The following KCNH1 variants were observed in gnomAD, a reference collection of about 807,000 sequenced individuals.
The protein encoded by KCNH1 is voltage-gated delayed rectifier potassium channel KCNH1.
In KCNH1, 27 loss-of-function variants were observed where a neutral mutation model predicts 69.2. That is an observed-to-expected ratio of 0.39 (90% CI 0.29 to 0.54). KCNH1 has a LOEUF of 0.54. Ranked by LOEUF, KCNH1 falls within the 20% of genes least tolerant of loss-of-function variation. The pLI is 0.68. For synonymous variants in KCNH1, 456 were observed against 487.7 expected (o/e 0.93, Z 0.86); for missense variants, 798 against 1,261.6 (o/e 0.63, Z 5.57).
intron 7 of KCNH1, among the ~76,000 whole-genome samples, chr1:210,820,319 G>T (rs1260656091): frequency 6.6e-6 from 1 of 152,102 alleles, no homozygotes; most frequent in Non-Finnish European, 1.5e-5. Flanking sequence ...TAGAACCTAT[G>T]ACTATGTTAC....
At chr1:210,906,043 G>A (rs182466895) in intron 7 of KCNH1, among the ~76,000 whole-genome samples, 4 of 152,242 alleles carry the variant, frequency 2.6e-5, no homozygotes, top group Non-Finnish European at 5.9e-5. Flanking sequence ...GATCTCAAGG[G>A]AGCAGCTGAT....
At chr1:210,797,456 A>G in intron 9 of KCNH1, 52 bp downstream of exon 9, 1 of 1,595,084 alleles carries the variant, frequency 6.3e-7, no homozygotes, top group Middle Eastern at 1.7e-4. Context: ...AGCTGCCCAG[A>G]AGCTAAGCCA....
chr1:211,121,322 C>A (rs1440129627), intron 1 of KCNH1, among the ~76,000 whole-genome samples: 3 of 152,044 alleles, frequency 2.0e-5, no homozygotes, highest in African/African-American at 7.2e-5. Flanking sequence ...GTACTGGTAC[C>A]AAAACAGACA....
intron 6 of KCNH1, among the ~76,000 whole-genome samples, chr1:210,944,514 G>C (rs1366654400): frequency 6.6e-6 from 1 of 152,146 alleles, no homozygotes; most frequent in Non-Finnish European, 1.5e-5. Flanking sequence ...TCGCCTCAGG[G>C]GTTCTGGGAC....
rs552551710 is a variant in KCNH1 at position 211,116,615 on chromosome 1, C to T, written c.80-9238G>A. ...CTTTTACCTTCATAATCAGACGGAC[C>T]AAACTGTTGGTAGCTACATCAAGAG... On this transcript the variant is annotated intron_variant, in intron 1 of 10. Coordinates refer to ENST00000271751, the MANE Select transcript of KCNH1 (RefSeq NM_172362.3). Among the ~76,000 whole-genome samples the T allele has an allele frequency of 8.5e-5, 13 of 152,202 alleles. No homozygotes were observed. The South Asian group carries it at 2.7e-3, about 32-fold the overall frequency.
chr1:211,015,329 G>C (rs1236567304), intron 6 of KCNH1, among the ~76,000 whole-genome samples: 1 of 152,192 alleles, frequency 6.6e-6, no homozygotes, highest in Non-Finnish European at 1.5e-5. Context: ...TAGGAATAGA[G>C]AAGAGTCAGA....
At chr1:210,707,885 C>T (rs1316982856) in intron 10 of KCNH1, among the ~76,000 whole-genome samples, 1 of 152,158 alleles carries the variant, frequency 6.6e-6, no homozygotes, top group African/African-American at 2.4e-5. Flanking sequence ...TCTATTCAGG[C>T]AGACATAATT....
chr1:210,919,757 C>G lies in KCNH1; in HGVS notation c.1345G>C (p.Val449Leu). The stretch of plus-strand genomic sequence containing the variant: ...GTGAAATACAACGAGGAGATGTAGA[C>G]AGAATTCTTGCTGGGACCACCTTCC... ...KWEGGPSKNS[V>L]YISSLYFTMT... The change falls in exon 7 of 11, where the codon GTC (valine) becomes CTC (leucine). Residue 449 changes from valine (V) to leucine (L), a missense_variant. Around this residue, in one of 4 missense-constraint regions of KCNH1, gnomAD observed 197 missense variants for 407.7 expected, o/e 0.48. Transcript: ENST00000271751. The surrounding 1 kb of genome is among the most constrained non-coding windows in gnomAD (Gnocchi z 4.2). 1 of 1,614,184 alleles carries G rather than the reference C, an allele frequency of 6.2e-7. No individual in the cohort carries two copies. Among genetic ancestry groups the G allele is most frequent in the Non-Finnish European group, 8.5e-7 (1 of 1,180,020 alleles).
At position 210,950,574 on chromosome 1, in the gene KCNH1, T is replaced by C. The variant is rs1201300495; in HGVS notation, c.1033-30505A>G. ...CATCATTTTTTATGGCTGCATAGTATTCCATGGTGTATATGTGCCACATTT... is the reference window on the plus strand; with the variant it reads ...CATCATTTTTTATGGCTGCATAGTACTCCATGGTGTATATGTGCCACATTT... On this transcript the variant is annotated intron_variant, in intron 6 of 10. Transcript: ENST00000271751. Among the ~76,000 whole-genome samples, 3 of 151,752 alleles carry C rather than the reference T, an allele frequency of 2.0e-5. No homozygotes were observed. In the East Asian group the frequency reaches 5.8e-4, roughly 29 times the overall value.
Position 210,880,866 on chromosome 1 carries a change from C to G in KCNH1, c.1462+38774G>C, listed in dbSNP as rs187750990. Among the ~76,000 whole-genome samples the G allele has an allele frequency of 1.3e-3, 200 of 152,102 alleles. 1 individual carries two copies. Among genetic ancestry groups the G allele is most frequent in the Admixed American group, 0.011 (167 of 15,246 alleles). On this transcript the variant is annotated intron_variant, in intron 7 of 10. Coordinates refer to ENST00000271751, the MANE Select transcript of KCNH1 (RefSeq NM_172362.3). The stretch of plus-strand genomic sequence containing the variant: ...TGTTTCCCGCAATAAATAAAGAACT[C>G]TAAAACTCAAAAATAAAAATAAAAT...
rs139969584 is a variant in KCNH1, at chr1:210,891,104, G to A, written c.1462+28536C>T. On this transcript the variant is annotated intron_variant, in intron 7 of 10. Transcript: ENST00000271751. ...TCACACGCACACGTATGTTTATTGC[G>A]GCACTATTCACAAAAGCAAAGACTT... Among the ~76,000 whole-genome samples the A allele has an allele frequency of 5.9e-3, 902 of 152,210 alleles. 11 individuals are homozygous for A. Among genetic ancestry groups the A allele is most frequent in the African/African-American group, 0.02 (835 of 41,530 alleles).
In KCNH1 at chr1:210,788,678, C is replaced by CTTCT. The variant is rs1316322051; in HGVS notation, c.1915+8826_1915+8829dup. ...AAATTCTAGATTATTCATATTATAGCTTCTTTCTTTTTTTTTTTTTTTTTT... is the reference window on the plus strand; with the variant it reads ...AAATTCTAGATTATTCATATTATAGCTTCTTTCTTTCTTTTTTTTTTTTTTTTTT... On this transcript the variant is annotated intron_variant, in intron 9 of 10. Transcript: ENST00000271751. 5.4e-4 allele frequency among the ~76,000 whole-genome samples: 70 copies of CTTCT among 130,758 alleles called. 1 individual carries two copies. Among genetic ancestry groups the CTTCT allele is most frequent in the African/African-American group, 2.0e-3 (67 of 33,306 alleles). The allele number at this position is 130,758 out of a possible 152,430, so 85.8% of individuals were successfully genotyped here.
intron 10 of KCNH1, among the ~76,000 whole-genome samples, chr1:210,717,002 G>T (rs537469689): frequency 2.4e-4 from 36 of 152,296 alleles, no homozygotes; most frequent in Non-Finnish European, 4.7e-4. Flanking sequence ...TGAATGATAT[G>T]ATGAGTTTAT....
chr1:211,074,273 T>C (rs1053453119), intron 5 of KCNH1, among the ~76,000 whole-genome samples: 4 of 151,722 alleles, frequency 2.6e-5, no homozygotes, highest in Non-Finnish European at 5.9e-5. Context: ...CTAGGAGTTA[T>C]AATTTTTCCT....
At chr1:210,940,316 T>C (rs1687855095) in intron 6 of KCNH1, among the ~76,000 whole-genome samples, 1 of 152,116 alleles carries the variant, frequency 6.6e-6, no homozygotes, top group African/African-American at 2.4e-5. Context: ...AAACACAGCC[T>C]GTAAGCTGCA....
chr1:210,927,234 T>G (rs937737471), intron 6 of KCNH1, among the ~76,000 whole-genome samples: 1 of 152,054 alleles, frequency 6.6e-6, no homozygotes, highest in African/African-American at 2.4e-5. Context: ...AGAGGAGTCA[T>G]TGGGAAAAGG....
At position 210,840,493 on chromosome 1, in the gene KCNH1, G is replaced by C. The variant is rs889851501; in HGVS notation, c.1463-36327C>G. 2.6e-5 allele frequency among the ~76,000 whole-genome samples: 4 copies of C among 152,302 alleles called. No homozygotes were observed. The East Asian group carries it at 5.8e-4, about 22-fold the overall frequency. On this transcript the variant is annotated intron_variant, in intron 7 of 10. Coordinates refer to ENST00000271751, the MANE Select transcript of KCNH1 (RefSeq NM_172362.3). ...CATACATGCCTGCGGCAGGCAGGAG[G>C]GGGGCATTTGGTGAAGGGAACCTGT...
rs151092624 is a variant in KCNH1 at position 210,750,533 on chromosome 1, C to T, written c.2112+24815G>A. ...TGAGCCCAGGACAAGGTTTAAGAAT[C>T]TAACTGCTCATCCCAAATCTTCAGT... is the stretch of plus-strand genomic sequence containing the variant. On this transcript the variant is annotated intron_variant, in intron 10 of 10. Coordinates refer to ENST00000271751, the MANE Select transcript of KCNH1 (RefSeq NM_172362.3). Among the ~76,000 whole-genome samples, 18 of 152,284 alleles carry T rather than the reference C, an allele frequency of 1.2e-4. No individual in the cohort carries two copies. The East Asian group carries it at 3.3e-3, about 28-fold the overall frequency.
At chr1:210,896,497 A>G (rs576512405) in intron 7 of KCNH1, among the ~76,000 whole-genome samples, 2 of 152,314 alleles carry the variant, frequency 1.3e-5, no homozygotes, top group South Asian at 2.1e-4. Flanking sequence ...CTGTATCTAC[A>G]TTAGATAGAC....
Sources: gnomAD v4.1 joint callset for allele counts (sites outside exome capture counted in the v4.1 genomes callset) on GRCh38, gnomAD v4.1.1 for gene constraint, gnomAD v4.1.1 regional missense constraint, Gnocchi (gnomAD v3.1) non-coding constraint, MANE v1.5 for transcripts, NCBI Gene and HGNC (gene_info 2026-07-23, HGNC 2026-07-21) for gene names.